The following CLU variants were observed in gnomAD, a reference collection of about 807,000 sequenced individuals.
The protein encoded by CLU is clusterin.
Under a neutral mutation model 46.4 loss-of-function variants are expected in CLU, and 25 were observed. The ratio of observed to expected loss-of-function variants is 0.54; its 90% CI spans 0.39 to 0.75. The LOEUF (loss-of-function observed/expected upper bound fraction) is 0.75, where lower values mean the gene tolerates loss of function less well. CLU is among the 30% of genes least tolerant of loss of function. CLU has a pLI of 0.00. For synonymous variants in CLU, 235 were observed against 235.1 expected (o/e 1.00, Z 0.00); for missense variants, 504 against 592.1 (o/e 0.85, Z 1.54).
Position 27,599,891 on chromosome 8 carries a change from C to T in CLU, c.1053G>A (p.Lys351=), listed in dbSNP as rs1404851290. The T allele has an allele frequency of 6.2e-7, 1 of 1,614,220 alleles. No homozygotes were observed. Among genetic ancestry groups the T allele is most frequent in the Non-Finnish European group, 8.5e-7 (1 of 1,180,038 alleles). The change falls in exon 7 of 9, where the codon AAG becomes AAA. Residue 351 remains lysine (K), a synonymous_variant. Transcript: ENST00000316403. This position sits in a 1 kb window ranked among gnomAD's most constrained non-coding sequence, Gnocchi z 4.0. ...YNELLKSYQW[K]MLNTSSLLEQ... is the part of the protein sequence containing the mutation. Reference sequence around the variant, plus strand: ...CCAGCAAGGAGGAGGTGTTGAGCATCTTCCACTGGTAGGACTTTAGCAGCT... The same window carrying T: ...CCAGCAAGGAGGAGGTGTTGAGCATTTTCCACTGGTAGGACTTTAGCAGCT...
At chr8:27,600,031 G>C (rs776276759) in intron 6 of CLU, 22 bp from the exon 7 acceptor site, 8 of 1,580,666 alleles carry the variant, frequency 5.1e-6, no homozygotes, top group Non-Finnish European at 6.1e-6. Context: ...TGGAAGAAAC[G>C]CAAGTGAGAA....
intron 7 of CLU, chr8:27,598,900 C>A: frequency 2.1e-6 from 1 of 484,154 alleles, no homozygotes; most frequent in Non-Finnish European, 3.6e-6. Context: ...AAAGTGGTTT[C>A]CAAACATTTG....
At chr8:27,604,539 C>A in intron 5 of CLU, 144 bp from the exon 6 acceptor site, 1 of 773,236 alleles carries the variant, frequency 1.3e-6, no homozygotes, top group South Asian at 1.5e-5. Flanking sequence ...ATGGTGCAAT[C>A]ATAGCTCACT....
chr8:27,605,154 G>A lies in CLU; in HGVS notation c.599C>T (p.Pro200Leu). 2.5e-6 allele frequency: 4 copies of A among 1,614,198 alleles called. No individual in the cohort carries two copies. Among genetic ancestry groups the A allele is most frequent in the Non-Finnish European group, 3.4e-6 (4 of 1,180,042 alleles). ...GGGCAGGTAGTGGTAGGTATCCTGGGGCTCCCGGGTGAAGAACCTGTCCTG... is the reference window on the plus strand; with the variant it reads ...GGGCAGGTAGTGGTAGGTATCCTGGAGCTCCCGGGTGAAGAACCTGTCCTG... ...LFQDRFFTRE[P>L]QDTYHYLPFS... is the part of the protein sequence containing the mutation. Residue 200 changes from proline to leucine, a missense_variant, in exon 5 of 9, where the codon CCC (proline) becomes CTC (leucine). This residue lies in a region of CLU where 428 missense variants were observed against 484.0 expected (regional missense o/e 0.88). Transcript: ENST00000316403.
intron 6 of CLU, 73 bp from the exon 7 acceptor site, chr8:27,600,082 A>G: frequency 8.4e-7 from 1 of 1,184,618 alleles, no homozygotes. Context: ...CCATGAATGA[A>G]TGGAAGTTAG....
intron 2 of CLU, 144 bp from the exon 3 acceptor site, chr8:27,609,230 A>G (rs1800879320): frequency 1.2e-6 from 1 of 866,742 alleles, no homozygotes. Context: ...AGGCAGCAGC[A>G]TGGCCCCAGC....
At chr8:27,601,374 G>A (rs1800718596) in intron 6 of CLU, among the ~76,000 whole-genome samples, 1 of 152,206 alleles carries the variant, frequency 6.6e-6, no homozygotes, top group Non-Finnish European at 1.5e-5. Context: ...GAGCATGTCT[G>A]TAGAGGTGGC....
intron 6 of CLU, 115 bp from the exon 7 acceptor site, chr8:27,600,124 C>G (rs1800694375): frequency 1.3e-6 from 1 of 797,504 alleles, no homozygotes; most frequent in Non-Finnish European, 2.1e-6. Context: ...CAGTGCTTCC[C>G]TAAGGGAAGG....
chr8:27,601,302 G>A (rs568093276), intron 6 of CLU, among the ~76,000 whole-genome samples: 50 of 152,238 alleles, frequency 3.3e-4, no homozygotes, highest in African/African-American at 1.1e-3. Flanking sequence ...CACCCACCTC[G>A]GCCTCTCAAG....
In CLU at chr8:27,599,563, C is replaced by T. The variant is rs898304901; in HGVS notation, c.1164+217G>A. The T allele has an allele frequency of 1.8e-6, 1 of 565,484 alleles. No homozygotes were observed. Among genetic ancestry groups the T allele is most frequent in the African/African-American group, 1.9e-5 (1 of 53,238 alleles). 35.0% of individuals were successfully genotyped at this position (565,484 alleles called of 1,614,324 possible). On this transcript the variant is annotated intron_variant, in intron 7 of 8. Coordinates refer to ENST00000316403, the MANE Select transcript of CLU (RefSeq NM_001831.4). The surrounding 1 kb of genome is among the most constrained non-coding windows in gnomAD (Gnocchi z 4.0). ...CGTCCAAGTCATCTGTCAGCTATCA[C>T]ACCTTGGCCAAGCTGTGGAACCTCT...
chr8:27,604,347 G>C lies in CLU; in HGVS notation c.878C>G (p.Thr293Arg), dbSNP rs563432916. 4.3e-6 allele frequency: 7 copies of C among 1,614,170 alleles called. No individual in the cohort carries two copies. The African/African-American group carries it at 6.7e-5, about 15-fold the overall frequency. ...TVCREIRHNS[T>R]GCLRMKDQCD... The stretch of plus-strand genomic sequence containing the variant: ...CTGGTCCTTCATCCGCAGGCAGCCC[G>C]TGGAGTTGTGGCGGATCTCCCGGCA... Residue 293 changes from threonine to arginine, a missense_variant, in exon 6 of 9, where the codon ACG becomes AGG. This residue lies in a region of CLU where 428 missense variants were observed against 484.0 expected (regional missense o/e 0.88). Transcript: ENST00000316403.
intron 1 of CLU, among the ~76,000 whole-genome samples, chr8:27,612,506 G>A (rs768502549): frequency 1.3e-5 from 2 of 152,158 alleles, no homozygotes; most frequent in Admixed American, 6.5e-5. Flanking sequence ...CAGGAAAACC[G>A]AGACAAGCAC....
At chr8:27,609,641 G>A (rs964354907) in intron 2 of CLU, among the ~76,000 whole-genome samples, 11 of 152,066 alleles carry the variant, frequency 7.2e-5, no homozygotes, top group African/African-American at 2.2e-4. Flanking sequence ...CAAGCACTGC[G>A]CCAAACACTT....
chr8:27,609,028 C>A lies in CLU; in HGVS notation c.156G>T (p.Gly52=). 6.2e-7 allele frequency: 1 copy of A among 1,614,154 alleles called. No individual in the cohort carries two copies. Among genetic ancestry groups the A allele is most frequent in the South Asian group, 1.1e-5 (1 of 91,088 alleles). ...CTATGAGAGTCTTTATCTGTTTCAC[C>A]CCGTTGACAGCATTTTGAATTTCCT... is the stretch of plus-strand genomic sequence containing the variant. ...VNKEIQNAVN[G]VKQIKTLIEK... Residue 52 remains glycine, a synonymous_variant, in exon 3 of 9, where the codon GGG becomes GGT. Transcript: ENST00000316403.
intron 6 of CLU, among the ~76,000 whole-genome samples, chr8:27,603,397 G>A (rs114303052): frequency 1.8e-3 from 280 of 152,274 alleles, no homozygotes; most frequent in African/African-American, 6.3e-3. Flanking sequence ...AGACCCTGGC[G>A]GCCTGCCATG....
chr8:27,608,630 C>A (rs577511728), intron 3 of CLU: 35 of 531,600 alleles, frequency 6.6e-5, no homozygotes, highest in African/African-American at 5.9e-4. Flanking sequence ...GGGCCCCTGC[C>A]GCCACCCCAT....
rs377666842 is a variant in CLU, at chr8:27,606,349, T to C, written c.417+5A>G. 1.9e-5 allele frequency: 31 copies of C among 1,613,808 alleles called. No homozygotes were observed. The highest frequency in any genetic ancestry group is 2.5e-5 in the Non-Finnish European group (30 of 1,180,032). On this transcript the variant is annotated splice_donor_5th_base_variant and intron_variant, in intron 4 of 8. Coordinates refer to ENST00000316403, the MANE Select transcript of CLU (RefSeq NM_001831.4). ...GCCTTGGCCACTCATGTGTCCCCTT[T>C]TCACCTGGCGGCCAACCAGGCCTGA...
intron 6 of CLU, among the ~76,000 whole-genome samples, chr8:27,603,004 G>A (rs551462153): frequency 1.2e-4 from 19 of 152,302 alleles, no homozygotes; most frequent in East Asian, 1.2e-3. Flanking sequence ...GGCGGAGGTC[G>A]CAGTGAGCCG....
At position 27,605,209 on chromosome 8, in the gene CLU, G is replaced by A. The variant is rs1800799482; in HGVS notation, c.544C>T (p.Arg182Cys). ...MLDVMQDHFS[R>C]ASSIIDELFQ... ...AGCTCGTCTATGATGCTGGACGCGCGGCTGAAGTGGTCCTGCATGACATCC... is the reference window on the plus strand; with the variant it reads ...AGCTCGTCTATGATGCTGGACGCGCAGCTGAAGTGGTCCTGCATGACATCC... The change falls in exon 5 of 9, where the codon CGC (arginine) becomes TGC (cysteine). Residue 182 changes from arginine to cysteine, a missense_variant. Coordinates refer to ENST00000316403, the MANE Select transcript of CLU (RefSeq NM_001831.4). The A allele has an allele frequency of 2.5e-6, 4 of 1,614,192 alleles. No individual in the cohort carries two copies. The highest frequency in any genetic ancestry group is 1.3e-5 in the African/African-American group (1 of 75,046).
Sources: allele counts gnomAD v4.1 joint callset (sites outside exome capture counted in the v4.1 genomes callset), GRCh38; gene constraint gnomAD v4.1.1; regional missense constraint gnomAD v4.1.1; non-coding constraint Gnocchi (gnomAD v3.1); transcripts MANE v1.5; gene names NCBI Gene and HGNC (gene_info 2026-07-23, HGNC 2026-07-21).